Variants in CNTLN observed in about 807,000 individuals in gnomAD.
The protein encoded by CNTLN is centlein.
CNTLN carries 212 observed loss-of-function variants against 180.0 expected under a neutral mutation model. That is an observed-to-expected ratio of 1.18 (90% CI 1.05 to 1.32). CNTLN has a LOEUF of 1.32. Among genes scored for constraint, CNTLN ranks in the 40% most tolerant of loss-of-function variants. CNTLN has a pLI of 0.00. For synonymous variants in CNTLN, 722 were observed against 563.1 expected, an observed-to-expected ratio of 1.28 and a Z score of -3.99; for missense variants, 2,095 against 1,610.9, an observed-to-expected ratio of 1.30 and a Z score of -5.14.
intron 6 of CNTLN, among the ~76,000 whole-genome samples, chr9:17,287,881 A>G (rs969091409): frequency 6.9e-6 from 1 of 145,504 alleles, no homozygotes; most frequent in Non-Finnish European, 1.5e-5. Context: ...TATTGTGTCT[A>G]TTTGATTCTT....
chr9:17,268,057 C>T (rs1827626653), intron 5 of CNTLN, among the ~76,000 whole-genome samples: 1 of 152,166 alleles, frequency 6.6e-6, no homozygotes, highest in South Asian at 2.1e-4. Flanking sequence ...ATTCTCCATC[C>T]AGCTTTGTTC....
chr9:17,412,364 C>T (rs1827913848), intron 16 of CNTLN, among the ~76,000 whole-genome samples: 1 of 152,114 alleles, frequency 6.6e-6, no homozygotes, highest in Admixed American at 6.5e-5. Flanking sequence ...CACCTCATAC[C>T]AAGATCCAGG....
At chr9:17,487,258 A>G (rs2134333237) in intron 25 of CNTLN, 192 bp downstream of exon 25, 1 of 573,688 alleles carries the variant, frequency 1.7e-6, no homozygotes, top group Non-Finnish European at 3.1e-6. Flanking sequence ...TGAAACAAAT[A>G]CCTTGGGATA....
At chr9:17,381,101 C>T (rs1488258838) in intron 13 of CNTLN, among the ~76,000 whole-genome samples, 4 of 152,172 alleles carry the variant, frequency 2.6e-5, no homozygotes, top group Non-Finnish European at 4.4e-5. Context: ...TATTTTTAGG[C>T]CTTTACCCAG....
chr9:17,333,006 C>A (rs1482354838), intron 10 of CNTLN, among the ~76,000 whole-genome samples: 2 of 151,926 alleles, frequency 1.3e-5, no homozygotes, highest in Non-Finnish European at 2.9e-5. Flanking sequence ...TTAACCCTTT[C>A]CCAAAGGCAA....
At chr9:17,178,305 G>A (rs776010651) in intron 2 of CNTLN, among the ~76,000 whole-genome samples, 8 of 152,194 alleles carry the variant, frequency 5.3e-5, no homozygotes, top group East Asian at 1.9e-4. Flanking sequence ...TAGACATAAA[G>A]GTTCTCCAAT....
intron 8 of CNTLN, among the ~76,000 whole-genome samples, chr9:17,318,430 A>G (rs1010157980): frequency 6.6e-6 from 1 of 152,210 alleles, no homozygotes; most frequent in Non-Finnish European, 1.5e-5. Flanking sequence ...AGGCAATTGT[A>G]ATAGTGCAGG....
chr9:17,266,230 A>T (rs1318361518), intron 5 of CNTLN, among the ~76,000 whole-genome samples: 1 of 152,154 alleles, frequency 6.6e-6, no homozygotes, highest in Non-Finnish European at 1.5e-5. Context: ...AGATTCTGGT[A>T]TGCTGTGTCT....
Position 17,430,429 on chromosome 9 carries a change from A to C in CNTLN, c.3114+14240A>C, listed in dbSNP as rs528947726. On this transcript the variant is annotated intron_variant, in intron 18 of 25. Coordinates refer to ENST00000380647, the MANE Select transcript of CNTLN (RefSeq NM_017738.4). ...ACCCATTTTAAAATTATTGATACAT[A>C]ATAGTTGTTCATATTTATGGGGTAC... 3.9e-5 allele frequency among the ~76,000 whole-genome samples: 6 copies of C among 152,160 alleles called. No individual in the cohort carries two copies. The East Asian group carries it at 1.2e-3, about 29-fold the overall frequency.
chr9:17,266,955 T>C (rs1255345267), intron 5 of CNTLN, among the ~76,000 whole-genome samples: 1 of 152,184 alleles, frequency 6.6e-6, no homozygotes, highest in East Asian at 1.9e-4. Context: ...ATGGGTTTCC[T>C]GAATACAGCA....
intron 16 of CNTLN, among the ~76,000 whole-genome samples, chr9:17,411,927 G>A (rs1291596185): frequency 6.6e-6 from 1 of 152,072 alleles, no homozygotes; most frequent in Non-Finnish European, 1.5e-5. Flanking sequence ...CCTCCATTCA[G>A]CATTGAAATG....
At chr9:17,215,432 C>T (rs1424568028) in intron 2 of CNTLN, among the ~76,000 whole-genome samples, 1 of 152,172 alleles carries the variant, frequency 6.6e-6, no homozygotes, top group African/African-American at 2.4e-5. Flanking sequence ...CAGAGGAGTA[C>T]CCAGACATGT....
chr9:17,451,079 C>A (rs1411753963), intron 18 of CNTLN, among the ~76,000 whole-genome samples: 2 of 152,036 alleles, frequency 1.3e-5, no homozygotes, highest in Middle Eastern at 3.2e-3. Context: ...TATACCTGGA[C>A]AGCATGCAGA....
chr9:17,320,375 C>T (rs966697381), intron 8 of CNTLN, among the ~76,000 whole-genome samples: 2 of 130,430 alleles, frequency 1.5e-5, no homozygotes, highest in Non-Finnish European at 3.2e-5. Context: ...TCTATGTACT[C>T]TTTCCTGATT....
chr9:17,151,343 GT>G (rs2131511342), intron 2 of CNTLN, among the ~76,000 whole-genome samples: 1 of 152,260 alleles, frequency 6.6e-6, no homozygotes, highest in African/African-American at 2.4e-5. Context: ...TTTATTGAGA[GT>G]TTTTGGCATG....
intron 6 of CNTLN, among the ~76,000 whole-genome samples, chr9:17,277,956 C>T (rs1486913918): frequency 7.2e-5 from 11 of 152,054 alleles, no homozygotes; most frequent in Non-Finnish European, 1.6e-4. Context: ...TGCTGACCAT[C>T]GATTATCAAC....
chr9:17,334,535 T>G (rs1365901558), intron 10 of CNTLN, among the ~76,000 whole-genome samples: 1 of 152,116 alleles, frequency 6.6e-6, no homozygotes, highest in Non-Finnish European at 1.5e-5. Flanking sequence ...TACGTGATAA[T>G]GGAGGCTCAG....
intron 23 of CNTLN, among the ~76,000 whole-genome samples, chr9:17,468,908 A>T (rs550038255): frequency 6.6e-6 from 1 of 151,898 alleles, no homozygotes; most frequent in East Asian, 1.9e-4. Context: ...GTCTTAATAG[A>T]TGAATTCAGG....
At chr9:17,362,848 C>T (rs1352903977) in intron 12 of CNTLN, among the ~76,000 whole-genome samples, 1 of 152,116 alleles carries the variant, frequency 6.6e-6, no homozygotes, top group African/African-American at 2.4e-5. Context: ...ATCAACCCAT[C>T]ATCTACATTA....
Sources: gnomAD v4.1 joint callset for allele counts (sites outside exome capture counted in the v4.1 genomes callset) on GRCh38, gnomAD v4.1.1 for gene constraint, MANE v1.5 for transcripts, NCBI Gene and HGNC (gene_info 2026-07-23, HGNC 2026-07-21) for gene names.